The following PHKB variants were observed in gnomAD, a reference collection of about 807,000 sequenced individuals.
The protein encoded by PHKB is phosphorylase b kinase regulatory subunit beta.
In PHKB, 122 loss-of-function variants were observed where a neutral mutation model predicts 152.1. That is an observed-to-expected ratio of 0.80 (90% CI 0.69 to 0.93). The LOEUF (loss-of-function observed/expected upper bound fraction) is 0.93, where lower values mean the gene tolerates loss of function less well. Ranked by LOEUF, PHKB falls within the 40% of genes least tolerant of loss-of-function variation. The probability of loss-of-function intolerance (pLI) is 0.00; values close to 1 mark genes in which losing one functional copy is unlikely to be tolerated. For missense variants in PHKB, 1,304 were observed against 1,328.4 expected (o/e 0.98, Z 0.29); for synonymous variants, 436 against 464.9 (o/e 0.94, Z 0.80).
intron 14 of PHKB, among the ~76,000 whole-genome samples, chr16:47,611,965 A>G (rs1972436589): frequency 6.6e-6 from 1 of 152,146 alleles, no homozygotes; most frequent in Non-Finnish European, 1.5e-5. Context: ...GTTACCGCTC[A>G]TGTTGGTACA....
rs201038140 is a variant in PHKB at position 47,689,083 on chromosome 16, C to G, written c.2673C>G (p.Gly891=). 1 of 1,613,936 alleles carries G rather than the reference C, an allele frequency of 6.2e-7. No homozygotes were observed. Among genetic ancestry groups the G allele is most frequent in the Admixed American group, 1.7e-5 (1 of 60,000 alleles). The change falls in exon 27 of 31, where the codon GGC becomes GGG. Residue 891 remains glycine (G), a synonymous_variant. Transcript: ENST00000323584. ...TGGAGTATGAACTTCAGATCCGTGG[C>G]GGAGACAAGCCAGCCTTGGACTTGT... ...HAMEYELQIR[G]GDKPALDLYQ... is the part of the protein sequence containing the mutation.
intron 16 of PHKB, among the ~76,000 whole-genome samples, chr16:47,646,573 A>T (rs1271304002): frequency 2.8e-5 from 3 of 107,168 alleles, no homozygotes; most frequent in African/African-American, 5.9e-5. Context: ...AAAAAATAAT[A>T]AAAAAAAAAA....
intron 6 of PHKB, among the ~76,000 whole-genome samples, chr16:47,535,961 G>A (rs1340051182): frequency 1.3e-5 from 2 of 152,160 alleles, no homozygotes; most frequent in Non-Finnish European, 2.9e-5. Context: ...GTATGAAGAT[G>A]CAACAATGGG....
chr16:47,663,601 T>G, intron 23 of PHKB, 76 bp from the exon 24 acceptor site: 1 of 1,179,630 alleles, frequency 8.5e-7, no homozygotes. Context: ...TGAAAATGAG[T>G]ACTTTTAAGA....
rs1973698833 is a variant in PHKB, at chr16:47,674,855, C to G, written c.2630+5438C>G. Among the ~76,000 whole-genome samples the G allele has an allele frequency of 2.0e-5, 3 of 152,302 alleles. No individual in the cohort carries two copies. The South Asian group carries it at 6.2e-4, about 32-fold the overall frequency. On this transcript the variant is annotated intron_variant, in intron 26 of 30. Transcript: ENST00000323584. ...GGTAGACAGTTGCCGTGTAACTCCTCTACGGAAAATCTTCCACCTCCCCTA... is the reference window on the plus strand; with the variant it reads ...GGTAGACAGTTGCCGTGTAACTCCTGTACGGAAAATCTTCCACCTCCCCTA...
chr16:47,575,683 G>T (rs1971737286), intron 7 of PHKB, among the ~76,000 whole-genome samples: 1 of 152,184 alleles, frequency 6.6e-6, no homozygotes, highest in South Asian at 2.1e-4. Flanking sequence ...AGTGTGGAAT[G>T]ATAGACATTG....
chr16:47,520,197 C>G (rs906127965), intron 6 of PHKB, among the ~76,000 whole-genome samples: 5 of 152,120 alleles, frequency 3.3e-5, no homozygotes, highest in Admixed American at 6.5e-5. Context: ...TTGTTCAAAA[C>G]TATTTATGGA....
chr16:47,604,194 G>A (rs1352652880), intron 13 of PHKB, among the ~76,000 whole-genome samples: 2 of 152,036 alleles, frequency 1.3e-5, no homozygotes, highest in African/African-American at 4.8e-5. Context: ...TGGTTTTATG[G>A]TTTTTCTTAT....
Position 47,502,987 on chromosome 16 carries a change from C to G in PHKB, c.306-4C>G. The G allele has an allele frequency of 1.3e-6, 2 of 1,599,518 alleles. No homozygotes were observed. Among genetic ancestry groups the G allele is most frequent in the Non-Finnish European group, 1.7e-6 (2 of 1,166,738 alleles). ...TAGTTTCATGAGTTATCTCTCTCAC[C>G]CAGGCGAATTGATGATGACAAGGGA... On this transcript the variant is annotated splice_polypyrimidine_tract_variant and splice_region_variant and intron_variant, in intron 3 of 30. Transcript: ENST00000323584.
intron 1 of PHKB, chr16:47,464,040 C>A: frequency 8.4e-7 from 1 of 1,185,280 alleles, no homozygotes; most frequent in South Asian, 1.2e-5. Context: ...TTTTAAATAC[C>A]TTTGTTTCTG....
At chr16:47,592,746 T>G (rs2151699625) in intron 10 of PHKB, among the ~76,000 whole-genome samples, 1 of 152,332 alleles carries the variant, frequency 6.6e-6, no homozygotes, top group African/African-American at 2.4e-5. Context: ...CTCTGTCTAG[T>G]TGGTTCCAGG....
At chr16:47,626,159 C>G (rs1972706425) in intron 14 of PHKB, among the ~76,000 whole-genome samples, 3 of 152,188 alleles carry the variant, frequency 2.0e-5, no homozygotes, top group Admixed American at 2.0e-4. Context: ...ATAGAAAACC[C>G]TTAGGTTTAC....
At chr16:47,587,161 G>A in intron 8 of PHKB, among the ~76,000 whole-genome samples, 1 of 152,232 alleles carries the variant, frequency 6.6e-6, no homozygotes, top group South Asian at 2.1e-4. Flanking sequence ...GCCTGATGTG[G>A]TGAATATTTG....
Position 47,664,935 on chromosome 16 carries a change from T to G in PHKB, c.2387T>G (p.Ile796Arg). ...TTTACCCAGAAATTTTCTTCCTCTATAGCCCCACACATTACTACTTTTCTG... is the reference window on the plus strand; with the variant it reads ...TTTACCCAGAAATTTTCTTCCTCTAGAGCCCCACACATTACTACTTTTCTG... The part of the protein sequence containing the change: ...AAFTQKFSSS[I>R]APHITTFLVH... The change falls in exon 25 of 31, where the codon ATA becomes AGA. Residue 796 changes from isoleucine to arginine, a missense_variant. By Grantham distance (97) the Ile-to-Arg change is moderately conservative. Transcript: ENST00000323584. 5 of 1,613,786 alleles carry G rather than the reference T, an allele frequency of 3.1e-6. No homozygotes were observed. The highest frequency in any genetic ancestry group is 4.2e-6 in the Non-Finnish European group (5 of 1,179,724).
chr16:47,674,165 T>C (rs2142084324), intron 26 of PHKB, among the ~76,000 whole-genome samples: 1 of 152,244 alleles, frequency 6.6e-6, no homozygotes, highest in East Asian at 1.9e-4. Flanking sequence ...TTTTTTTTTT[T>C]TTTCGTCTTT....
chr16:47,590,056 C>T (rs898090847), intron 10 of PHKB, among the ~76,000 whole-genome samples: 3 of 152,144 alleles, frequency 2.0e-5, no homozygotes, highest in Admixed American at 1.3e-4. Context: ...TCCTAAAGTG[C>T]TGGGATTACA....
intron 18 of PHKB, 67 bp downstream of exon 18, chr16:47,649,271 T>C (rs1973191729): frequency 3.4e-6 from 3 of 882,832 alleles, no homozygotes; most frequent in Non-Finnish European, 5.8e-6. Flanking sequence ...CATATGTTAC[T>C]ATATTGAGTA....
At chr16:47,663,113 C>T (rs1973471980) in intron 23 of PHKB, among the ~76,000 whole-genome samples, 1 of 151,966 alleles carries the variant, frequency 6.6e-6, no homozygotes, top group African/African-American at 2.4e-5. Context: ...TGTTAAAGAT[C>T]TTGTTTTTTA....
intron 26 of PHKB, among the ~76,000 whole-genome samples, chr16:47,680,419 A>C (rs1487206658): frequency 6.6e-6 from 1 of 152,096 alleles, no homozygotes; most frequent in Non-Finnish European, 1.5e-5. Context: ...TTGGTTGGTA[A>C]GCTATTAATT....
Sources: allele counts gnomAD v4.1 joint callset (sites outside exome capture counted in the v4.1 genomes callset), GRCh38; gene constraint gnomAD v4.1.1; transcripts MANE v1.5; gene names NCBI Gene and HGNC (gene_info 2026-07-23, HGNC 2026-07-21).